The following SUGP2 variants were observed in gnomAD, a reference collection of about 807,000 sequenced individuals.
SUGP2 encodes the protein SURP and G-patch domain containing 2.
SUGP2 carries 24 observed loss-of-function variants against 90.5 expected under a neutral mutation model. The ratio of observed to expected loss-of-function variants is 0.27; its 90% CI spans 0.19 to 0.37. The LOEUF is 0.37. Ranked by LOEUF, SUGP2 falls within the 10% of genes least tolerant of loss-of-function variation. The probability of loss-of-function intolerance (pLI) is 1.00; values close to 1 mark genes in which losing one functional copy is unlikely to be tolerated. For synonymous variants in SUGP2, 473 were observed against 513.4 expected (o/e 0.92, Z 1.06); for missense variants, 1,233 against 1,363.3 (o/e 0.90, Z 1.51).
At chr19:19,020,967 C>T (rs1278660347) in intron 3 of SUGP2, among the ~76,000 whole-genome samples, 1 of 151,816 alleles carries the variant, frequency 6.6e-6, no homozygotes, top group African/African-American at 2.4e-5. Flanking sequence ...CGAGACCAGC[C>T]TGACCAACAT....
intron 8 of SUGP2, among the ~76,000 whole-genome samples, chr19:19,000,272 A>G (rs1460562997): frequency 6.6e-6 from 1 of 152,216 alleles, no homozygotes; most frequent in Non-Finnish European, 1.5e-5. Flanking sequence ...GCTTGTGCCA[A>G]CGTCATCTGC....
In SUGP2 at chr19:19,025,471, A is replaced by G. The variant is rs2145700602; in HGVS notation, c.877T>C (p.Phe293Leu). ...GTNPGTEDIQ[F>L]PIQKIPLGLD... The stretch of plus-strand genomic sequence containing the variant: ...CCCAGAGGGATCTTCTGAATGGGGA[A>G]CTGGATATCTTCTGTCCCTGGGTTT... The change falls in exon 3 of 11, where the codon TTC (phenylalanine) becomes CTC (leucine). Residue 293 changes from phenylalanine (F) to leucine (L), a missense_variant. Transcript: ENST00000452918. The G allele has an allele frequency of 1.2e-6, 2 of 1,614,146 alleles. No individual in the cohort carries two copies. Among genetic ancestry groups the G allele is most frequent in the Non-Finnish European group, 8.5e-7 (1 of 1,180,018 alleles).
chr19:19,023,037 G>A (rs560647261), intron 3 of SUGP2, among the ~76,000 whole-genome samples: 1 of 152,304 alleles, frequency 6.6e-6, no homozygotes, highest in East Asian at 1.9e-4. Flanking sequence ...GAGGAAGGAA[G>A]AGGGAAACCA....
At position 19,004,501 on chromosome 19, in the gene SUGP2, C is replaced by T. The variant is rs1230851043; in HGVS notation, c.2596G>A (p.Asp866Asn). 6.2e-7 allele frequency: 1 copy of T among 1,614,254 alleles called. No homozygotes were observed. Among genetic ancestry groups the T allele is most frequent in the East Asian group, 2.2e-5 (1 of 44,888 alleles). The change falls in exon 7 of 11, where the codon GAC (aspartate) becomes AAC (asparagine). Residue 866 changes from aspartate to asparagine, a missense_variant. Asp to Asn is a conservative substitution (Grantham distance 23, BLOSUM62 1). Transcript: ENST00000452918. ...AACTCTGCTTCCCCTTCCATGAGGTCCACGGGGCTCTCCTGAGAACCCGTG... is the reference window on the plus strand; with the variant it reads ...AACTCTGCTTCCCCTTCCATGAGGTTCACGGGGCTCTCCTGAGAACCCGTG... ...DTTGSQESPVDLMEGEAEFED... is the reference protein window; with the variant it reads ...DTTGSQESPVNLMEGEAEFED...
chr19:19,006,588 AGAAAGT>A (rs1278002480), intron 6 of SUGP2, among the ~76,000 whole-genome samples: 2 of 152,220 alleles, frequency 1.3e-5, no homozygotes, highest in African/African-American at 2.4e-5. Context: ...TTGAAAAAAA[AGAAAGT>A]GAAAAAGAAA....
At chr19:19,008,186 C>A (rs529090091) in intron 6 of SUGP2, 131 bp downstream of exon 6, 31 of 783,510 alleles carry the variant, frequency 4.0e-5, no homozygotes, top group Non-Finnish European at 6.5e-5. Context: ...CACCTGTGGT[C>A]CCAGCTACTC....
chr19:19,009,217 C>T (rs1188498673), intron 5 of SUGP2, among the ~76,000 whole-genome samples: 1 of 152,118 alleles, frequency 6.6e-6, no homozygotes, highest in East Asian at 1.9e-4. Flanking sequence ...CCAGCTGATG[C>T]CTCCTGTTTT....
chr19:19,019,213 T>C lies in SUGP2; in HGVS notation c.1746A>G (p.Ala582=). The change falls in exon 4 of 11, where the codon GCA becomes GCG. Residue 582 remains alanine, a synonymous_variant. Transcript: ENST00000452918. Reference sequence around the variant, plus strand: ...CGATGGTGCCCACTACCCTGTGATCTGCTCGCTGGGGGACAGCTGGAACAC... The same window carrying C: ...CGATGGTGCCCACTACCCTGTGATCCGCTCGCTGGGGGACAGCTGGAACAC... ...SSLSDAVPQR[A]DHRVVGTIDQ... 1.2e-6 allele frequency: 2 copies of C among 1,613,362 alleles called. No individual in the cohort carries two copies. The highest frequency in any genetic ancestry group is 2.2e-5 in the South Asian group (2 of 91,058).
chr19:19,005,844 A>AAC (rs67270368), intron 6 of SUGP2, among the ~76,000 whole-genome samples: 29 of 46,468 alleles, frequency 6.2e-4, no homozygotes, highest in Non-Finnish European at 8.0e-4. Flanking sequence ...CAGGCTAACA[A>AAC]ACACACACAC....
At chr19:18,997,783 A>C (rs2057666050) in intron 8 of SUGP2, among the ~76,000 whole-genome samples, 1 of 43,348 alleles carries the variant, frequency 2.3e-5, no homozygotes, top group East Asian at 4.8e-4. Context: ...ACTCCGTCTC[A>C]AAAAAAAAAA....
At chr19:19,008,591 C>T (rs2058179750) in intron 5 of SUGP2, among the ~76,000 whole-genome samples, 163 bp from the exon 6 acceptor site, 1 of 152,214 alleles carries the variant, frequency 6.6e-6, no homozygotes. Context: ...GAAGTGAACT[C>T]TGTGTATCCC....
intron 7 of SUGP2, 78 bp from the exon 8 acceptor site, chr19:19,001,752 C>G (rs2057842849): frequency 6.9e-7 from 1 of 1,453,800 alleles, no homozygotes; most frequent in Admixed American, 1.7e-5. Flanking sequence ...ATCTTGCAGT[C>G]TATTTTGGCT....
At chr19:19,014,454 C>G (rs2058420475) in intron 4 of SUGP2, among the ~76,000 whole-genome samples, 1 of 151,922 alleles carries the variant, frequency 6.6e-6, no homozygotes, top group African/African-American at 2.4e-5. Context: ...AGATAAGAAG[C>G]CCTTCTTATA....
rs144992117 is a variant in SUGP2 at position 19,008,423 on chromosome 19, T to C, written c.2344A>G (p.Met782Val). Residue 782 changes from methionine (M) to valine (V), a missense_variant, in exon 6 of 11, where the codon ATG (methionine) becomes GTG (valine). Physicochemically the swap from Met to Val is conservative, Grantham distance 21. This residue lies in a region of SUGP2 where 540 missense variants were observed against 542.6 expected (regional missense o/e 1.00). Transcript: ENST00000452918. ...SSPCPSADID[M>V]KTMETAEKLA... The stretch of plus-strand genomic sequence containing the variant: ...TTCTCTGCAGTCTCCATTGTCTTCA[T>C]GTCAACTACAAAACATAAAGCACCT... 40 of 1,613,448 alleles carry C rather than the reference T, an allele frequency of 2.5e-5. No individual in the cohort carries two copies. Among genetic ancestry groups the C allele is most frequent in the Non-Finnish European group, 3.2e-5 (38 of 1,179,470 alleles).
Position 19,004,536 on chromosome 19 carries a change from C to A in SUGP2, c.2561G>T (p.Gly854Val). 6.2e-7 allele frequency: 1 copy of A among 1,614,228 alleles called. No individual in the cohort carries two copies. The highest frequency in any genetic ancestry group is 8.5e-7 in the Non-Finnish European group (1 of 1,180,028). Residue 854 changes from glycine to valine, a missense_variant, in exon 7 of 11, where the codon GGT (glycine) becomes GTT (valine). Physicochemically the swap from Gly to Val is moderately radical, Grantham distance 109. Coordinates refer to ENST00000452918, the MANE Select transcript of SUGP2 (RefSeq NM_001017392.5). ...CTCCTGAGAACCCGTGGTGTCACCA[C>A]CACCAGTGTGAAGGTTGTGCGGAGA... The part of the protein sequence containing the change: ...TSSPHNLHTG[G>V]GDTTGSQESP...
intron 8 of SUGP2, among the ~76,000 whole-genome samples, chr19:19,000,710 C>CTT (rs149299644): frequency 0.023 from 3,268 of 144,040 alleles, 119 homozygotes; most frequent in African/African-American, 0.079. Context: ...ATAACTTGAA[C>CTT]TTTTTTTTTT....
chr19:19,032,331 A>G (rs555375100), intron 1 of SUGP2, among the ~76,000 whole-genome samples: 14 of 151,122 alleles, frequency 9.3e-5, no homozygotes, highest in African/African-American at 2.4e-5. Context: ...ACTAATTTTT[A>G]TATTTTAGGT....
rs768627417 is a variant in SUGP2, at chr19:18,995,323, T to A, written c.2992-43A>T. On this transcript the variant is annotated intron_variant, in intron 8 of 10. Transcript: ENST00000452918. ...TCCAGGCATGTGGGCCACAGGGAGA[T>A]GCCTGGATCAAGGGTCTGTCCTAGG... 1.4e-5 allele frequency: 22 copies of A among 1,553,362 alleles called. No homozygotes were observed. In the Admixed American group the frequency reaches 3.6e-4, roughly 25 times the overall value.
chr19:19,011,491 G>A (rs971297538), intron 4 of SUGP2, among the ~76,000 whole-genome samples: 1 of 152,128 alleles, frequency 6.6e-6, no homozygotes, highest in Non-Finnish European at 1.5e-5. Flanking sequence ...TTTCTCTTAA[G>A]TATTTTTATG....
Sources: gnomAD v4.1 joint callset for allele counts (sites outside exome capture counted in the v4.1 genomes callset) on GRCh38, gnomAD v4.1.1 for gene constraint, gnomAD v4.1.1 regional missense constraint, MANE v1.5 for transcripts, NCBI Gene and HGNC (gene_info 2026-07-23, HGNC 2026-07-21) for gene names.